ST8SIA5: variants seen among roughly 807,000 people sequenced by gnomAD.
ST8SIA5 encodes alpha-2,8-sialyltransferase 8E.
ST8SIA5 carries 24 observed loss-of-function variants against 40.2 expected under a neutral mutation model. The ratio of observed to expected loss-of-function variants is 0.60; its 90% CI spans 0.43 to 0.84. ST8SIA5 has a LOEUF of 0.84. ST8SIA5 is among the 40% of genes least tolerant of loss of function. ST8SIA5 has a pLI of 0.00. For missense variants in ST8SIA5, 465 were observed against 498.5 expected, an observed-to-expected ratio of 0.93 and a Z score of 0.64; for synonymous variants, 198 against 201.8, an observed-to-expected ratio of 0.98 and a Z score of 0.16.
Position 46,729,893 on chromosome 18 carries a change from G to A in ST8SIA5, c.132-25229C>T, listed in dbSNP as rs1319142089. On this transcript the variant is annotated intron_variant, in intron 1 of 6. Transcript: ENST00000315087. ...CGGAAGAGTCCAGAGGTTAGGGGGT[G>A]GTGAGAGGACAGAAAATGCAGTGAA... Among the ~76,000 whole-genome samples the A allele has an allele frequency of 2.0e-5, 3 of 152,104 alleles. No homozygotes were observed. The East Asian group carries it at 5.8e-4, about 29-fold the overall frequency.
intron 5 of ST8SIA5, among the ~76,000 whole-genome samples, chr18:46,683,265 G>T (rs1163525444): frequency 6.6e-6 from 1 of 152,166 alleles, no homozygotes; most frequent in Non-Finnish European, 1.5e-5. Flanking sequence ...AAATCAAGTG[G>T]TTGGTCTACA....
intron 1 of ST8SIA5, among the ~76,000 whole-genome samples, chr18:46,729,249 A>G (rs937086903): frequency 2.0e-5 from 3 of 152,132 alleles, no homozygotes; most frequent in African/African-American, 7.2e-5. Flanking sequence ...CTGCCTGTCT[A>G]TCTGTGAGTT....
At chr18:46,684,699 A>T (rs2039428823) in intron 5 of ST8SIA5, among the ~76,000 whole-genome samples, 1 of 152,118 alleles carries the variant, frequency 6.6e-6, no homozygotes, top group South Asian at 2.1e-4. Flanking sequence ...AATTTTTCTG[A>T]GTAGTTATGT....
chr18:46,699,631 G>A (rs544729379), intron 2 of ST8SIA5, among the ~76,000 whole-genome samples: 6 of 152,128 alleles, frequency 3.9e-5, no homozygotes, highest in South Asian at 4.2e-4. Context: ...CACCCGCCTC[G>A]GCCTCCCAAA....
At chr18:46,696,948 G>C (rs2447527) in intron 2 of ST8SIA5, among the ~76,000 whole-genome samples, 1 of 152,090 alleles carries the variant, frequency 6.6e-6, no homozygotes, top group African/African-American at 2.4e-5. Context: ...AAAATTCTAA[G>C]AGGTGGGTGG....
chr18:46,706,765 T>C (rs906612525), intron 1 of ST8SIA5, among the ~76,000 whole-genome samples: 4 of 152,204 alleles, frequency 2.6e-5, no homozygotes, highest in Non-Finnish European at 4.4e-5. Flanking sequence ...AGACCTGTTA[T>C]AGGGGAAGAA....
intron 2 of ST8SIA5, among the ~76,000 whole-genome samples, chr18:46,703,321 G>GT (rs113991759): frequency 5.7e-4 from 86 of 151,598 alleles, no homozygotes; most frequent in African/African-American, 1.8e-3. Flanking sequence ...AATTTTTTGT[G>GT]TTTTTTTTAG....
rs1300009585 is a variant in ST8SIA5 at position 46,748,595 on chromosome 18, T to C, written c.131+7783A>G. On this transcript the variant is annotated intron_variant, in intron 1 of 6. Transcript: ENST00000315087. ...AAAAAAGGCAAAGAATCTAAATAGA[T>C]ATTTCTCCAAAGAAGATATGCAAAT... 2.1e-5 allele frequency among the ~76,000 whole-genome samples: 3 copies of C among 141,154 alleles called. No individual in the cohort carries two copies. The South Asian group carries it at 6.9e-4, about 32-fold the overall frequency. 92.6% of individuals were successfully genotyped at this position (141,154 alleles called of 152,430 possible). A position where few individuals can be genotyped will look rare whatever the true frequency, so the allele number is the denominator to read the frequency against.
intron 2 of ST8SIA5, among the ~76,000 whole-genome samples, chr18:46,701,411 G>C (rs2039615171): frequency 6.6e-6 from 1 of 152,084 alleles, no homozygotes; most frequent in Non-Finnish European, 1.5e-5. Context: ...AAAGTGCTGG[G>C]ATTACAGGCA....
At chr18:46,715,194 T>G (rs919557189) in intron 1 of ST8SIA5, among the ~76,000 whole-genome samples, 1 of 152,254 alleles carries the variant, frequency 6.6e-6, no homozygotes, top group African/African-American at 2.4e-5. Flanking sequence ...TCCCTCCTTT[T>G]CTGCAGAAGA....
In ST8SIA5 at chr18:46,680,003, G is replaced by A; in HGVS notation, c.*39C>T. 6.4e-7 allele frequency: 1 copy of A among 1,565,352 alleles called. No homozygotes were observed. Among genetic ancestry groups the A allele is most frequent in the Non-Finnish European group, 8.7e-7 (1 of 1,154,580 alleles). On this transcript the variant is annotated 3_prime_UTR_variant, in exon 7 of 7. Coordinates refer to ENST00000315087, the MANE Select transcript of ST8SIA5 (RefSeq NM_013305.6). ...AGTTCCACCAGGAGGGACAGCAGGA[G>A]AGGGGGCGCCGCTTGCCGGGCAGCC...
rs371214869 is a variant in ST8SIA5 at position 46,689,102 on chromosome 18, C to A, written c.312-183G>T. 5.9e-5 allele frequency: 36 copies of A among 606,560 alleles called. No homozygotes were observed. In the African/African-American group the frequency reaches 6.4e-4, roughly 11 times the overall value. The allele number at this position is 606,560 out of a possible 1,614,324, so 37.6% of individuals were successfully genotyped here. A position where few individuals can be genotyped will look rare whatever the true frequency, so the allele number is the denominator to read the frequency against. On this transcript the variant is annotated intron_variant, in intron 3 of 6. Coordinates refer to ENST00000315087, the MANE Select transcript of ST8SIA5 (RefSeq NM_013305.6). ...TGCCCACCCATCCCACACACATCCCCACCCTGCATGGAGCCGAGGCCTCTC... is the reference window on the plus strand; with the variant it reads ...TGCCCACCCATCCCACACACATCCCAACCCTGCATGGAGCCGAGGCCTCTC...
At position 46,680,501 on chromosome 18, in the gene ST8SIA5, C is replaced by A; in HGVS notation, c.672G>T (p.Lys224Asn). ...NPSIITERFH[K>N]LEKWRRPFYR... The stretch of plus-strand genomic sequence containing the variant: ...AGAACGGCCGCCGCCACTTCTCCAG[C>A]TTGTGGAACCTACACAGGGCGCGAG... The change falls in exon 7 of 7, where the codon AAG becomes AAT. Residue 224 changes from lysine to asparagine, a missense_variant. Physicochemically the swap from Lys to Asn is moderately conservative, Grantham distance 94. Transcript: ENST00000315087. 1 of 1,590,110 alleles carries A rather than the reference C, an allele frequency of 6.3e-7. No homozygotes were observed.
chr18:46,713,123 G>A (rs1012488253), intron 1 of ST8SIA5, among the ~76,000 whole-genome samples: 1 of 152,178 alleles, frequency 6.6e-6, no homozygotes, highest in South Asian at 2.1e-4. Flanking sequence ...ATCTGATGTG[G>A]GGATAAAGGA....
At chr18:46,728,762 G>A (rs1445577033) in intron 1 of ST8SIA5, among the ~76,000 whole-genome samples, 1 of 152,198 alleles carries the variant, frequency 6.6e-6, no homozygotes, top group African/African-American at 2.4e-5. Flanking sequence ...CACTGTCATT[G>A]CTCTGCTCTG....
Position 46,692,179 on chromosome 18 carries a change from T to G in ST8SIA5, c.301A>C (p.Asn101His). The G allele has an allele frequency of 3.1e-6, 5 of 1,614,120 alleles. No homozygotes were observed. The South Asian group carries it at 5.5e-5, about 18-fold the overall frequency. ...ACGAATCATAGATACTTGAACTGGT[T>G]GGCCTCAGAGATGTTCATCGCCCAT... ...CKWAMNISEA[N>H]QFKSTLSRCC... is the part of the protein sequence containing the mutation. The change falls in exon 3 of 7, where the codon AAC becomes CAC. Residue 101 changes from asparagine (N) to histidine (H), a missense_variant. Asn to His is a moderately conservative substitution (Grantham distance 68). Transcript: ENST00000315087.
In ST8SIA5 at chr18:46,670,358, A is replaced by T. The variant is rs2075662573; in HGVS notation, c.*9684T>A. On this transcript the variant is annotated 3_prime_UTR_variant, in exon 7 of 7. Coordinates refer to ENST00000315087, the MANE Select transcript of ST8SIA5 (RefSeq NM_013305.6). ...GAAATGCTGTGTTGCTCCCGGGGTT[A>T]TTATAACATATTCTCCCTCTCTTCC... 1 of 152,188 alleles carries T rather than the reference A, an allele frequency of 6.6e-6. No individual in the cohort carries two copies. The highest frequency in any genetic ancestry group is 6.5e-5 in the Admixed American group (1 of 15,276). 9.4% of individuals were successfully genotyped at this position (152,188 alleles called of 1,614,324 possible). A position where few individuals can be genotyped will look rare whatever the true frequency, so the allele number is the denominator to read the frequency against.
intron 1 of ST8SIA5, among the ~76,000 whole-genome samples, chr18:46,751,979 G>A (rs555257233): frequency 5.3e-5 from 8 of 152,088 alleles, no homozygotes; most frequent in Non-Finnish European, 8.8e-5. Context: ...CACCCTCCCC[G>A]CTCCCTCCCA....
chr18:46,690,703 T>C (rs1599104813), intron 3 of ST8SIA5, among the ~76,000 whole-genome samples: 1 of 136,314 alleles, frequency 7.3e-6, no homozygotes, highest in African/African-American at 2.8e-5. Context: ...AACCTCCACC[T>C]CCCGGGTTCA....
Sources: gnomAD v4.1 joint callset for allele counts (sites outside exome capture counted in the v4.1 genomes callset) on GRCh38, gnomAD v4.1.1 for gene constraint, MANE v1.5 for transcripts, NCBI Gene and HGNC (gene_info 2026-07-23, HGNC 2026-07-21) for gene names.